Variants in LRRC4C observed in about 807,000 individuals in gnomAD.
LRRC4C encodes the protein leucine rich repeat containing 4C.
In LRRC4C, 5 loss-of-function variants were observed where a neutral mutation model predicts 33.6. The observed-to-expected ratio is 0.15, with a 90% CI of 0.08 to 0.31. The LOEUF is 0.31. Ranked by LOEUF, LRRC4C falls within the 10% of genes least tolerant of loss-of-function variation. The probability of loss-of-function intolerance (pLI) is 1.00; values close to 1 mark genes in which losing one functional copy is unlikely to be tolerated. For synonymous variants in LRRC4C, 329 were observed against 302.0 expected (o/e 1.09, Z -0.93); for missense variants, 560 against 796.7 (o/e 0.70, Z 3.58).
intron 3 of LRRC4C, among the ~76,000 whole-genome samples, chr11:40,566,086 G>GTTTTTTTTTTTTTTTTTTTTTTTAT (rs1957753771): frequency 3.2e-5 from 2 of 62,788 alleles, no homozygotes; most frequent in East Asian, 6.4e-4. Context: ...TTTTTACTAA[G>GTTTTTTTTTTTTTTTTTTTTTTTAT]TTTTTTTTTT....
intron 3 of LRRC4C, among the ~76,000 whole-genome samples, chr11:40,375,784 G>T (rs1357358552): frequency 6.6e-6 from 1 of 152,114 alleles, no homozygotes; most frequent in Non-Finnish European, 1.5e-5. Flanking sequence ...ACCAACGCTT[G>T]GGAGTAGACA....
intron 2 of LRRC4C, among the ~76,000 whole-genome samples, chr11:40,663,754 ATAC>A (rs1447117717): frequency 6.6e-6 from 1 of 152,216 alleles, no homozygotes; most frequent in Non-Finnish European, 1.5e-5. Context: ...CCTAATAACA[ATAC>A]TATGGTCTCA....
intron 1 of LRRC4C, among the ~76,000 whole-genome samples, chr11:41,003,692 A>G (rs1414317625): frequency 6.6e-6 from 1 of 151,834 alleles, no homozygotes; most frequent in East Asian, 1.9e-4. Flanking sequence ...GGGAGAGAAG[A>G]GACATCATGA....
rs114162654 is a variant in LRRC4C, at chr11:41,043,557, C to T, written c.-495-109834G>A. Among the ~76,000 whole-genome samples the T allele has an allele frequency of 4.0e-3, 603 of 152,062 alleles. 4 individuals are homozygous for T. The highest frequency in any genetic ancestry group is 0.014 in the African/African-American group (578 of 41,482). On this transcript the variant is annotated intron_variant, in intron 1 of 6. Coordinates refer to ENST00000528697, the MANE Select transcript of LRRC4C (RefSeq NM_001258419.2). The stretch of plus-strand genomic sequence containing the variant: ...ATTTCAGTCTTTACTTTGTGCCACA[C>T]TAAATAATATGAGTGCATTATCTCA...
intron 4 of LRRC4C, among the ~76,000 whole-genome samples, chr11:40,300,825 A>G (rs1005160078): frequency 7.2e-5 from 11 of 152,214 alleles, no homozygotes; most frequent in African/African-American, 2.4e-4. Context: ...CTTAAGAGGC[A>G]GAGTCTAGCT....
In LRRC4C at chr11:40,244,733, GT is replaced by G. The variant is rs932328078; in HGVS notation, c.-175-3136del. Among the ~76,000 whole-genome samples the G allele has an allele frequency of 5.6e-3, 838 of 148,368 alleles. 4 individuals are homozygous for G. The highest frequency in any genetic ancestry group is 0.019 in the African/African-American group (756 of 40,302). On this transcript the variant is annotated intron_variant, in intron 4 of 6. Coordinates refer to ENST00000528697, the MANE Select transcript of LRRC4C (RefSeq NM_001258419.2). ...TTTTCAGCAGTGGGCTAAGGGGAAG[GT>G]TTTTTTTTTGGCCCTGAAGTACACG...
chr11:40,796,724 G>A (rs2135230666), intron 2 of LRRC4C, among the ~76,000 whole-genome samples: 1 of 139,096 alleles, frequency 7.2e-6, no homozygotes, highest in East Asian at 2.2e-4. Flanking sequence ...TTGGCTCACT[G>A]TAACCTCTGC....
At chr11:41,176,188 TA>T (rs1195040902) in intron 1 of LRRC4C, among the ~76,000 whole-genome samples, 1 of 152,216 alleles carries the variant, frequency 6.6e-6, no homozygotes, top group Non-Finnish European at 1.5e-5. Flanking sequence ...ATTTATTGAA[TA>T]AATATATGAT....
intron 2 of LRRC4C, among the ~76,000 whole-genome samples, chr11:40,822,321 G>C (rs182332173): frequency 4.0e-5 from 6 of 150,512 alleles, no homozygotes; most frequent in Non-Finnish European, 5.9e-5. Flanking sequence ...TTCTATAAAT[G>C]ACAGAATTTG....
chr11:40,924,120 G>A (rs193079368), intron 2 of LRRC4C, among the ~76,000 whole-genome samples: 2 of 134,758 alleles, frequency 1.5e-5, no homozygotes, highest in Admixed American at 1.5e-4. Flanking sequence ...GTGTGTGTGT[G>A]TGTATATATA....
At chr11:41,217,529 T>G (rs1380277434) in intron 1 of LRRC4C, among the ~76,000 whole-genome samples, 2 of 152,210 alleles carry the variant, frequency 1.3e-5, no homozygotes, top group African/African-American at 4.8e-5. Flanking sequence ...TATTTAGGCT[T>G]TAAAAATGGT....
chr11:41,061,156 C>A (rs750702262), intron 1 of LRRC4C, among the ~76,000 whole-genome samples: 13 of 152,012 alleles, frequency 8.6e-5, no homozygotes, highest in Non-Finnish European at 1.3e-4. Context: ...TTGAATAATT[C>A]AGCATTTTAT....
intron 1 of LRRC4C, among the ~76,000 whole-genome samples, chr11:41,002,931 T>C (rs1042887347): frequency 1.3e-5 from 2 of 152,208 alleles, no homozygotes; most frequent in African/African-American, 2.4e-5. Context: ...ATTTGAAATG[T>C]TACATTGTAG....
intron 1 of LRRC4C, among the ~76,000 whole-genome samples, chr11:41,456,318 G>T (rs1334775159): frequency 2.0e-5 from 3 of 151,726 alleles, no homozygotes; most frequent in Non-Finnish European, 4.4e-5. Context: ...CACCTCCAGG[G>T]CCAGAGCTCC....
intron 2 of LRRC4C, among the ~76,000 whole-genome samples, chr11:40,651,815 T>C (rs1165165557): frequency 1.3e-5 from 2 of 152,238 alleles, no homozygotes; most frequent in Non-Finnish European, 2.9e-5. Context: ...TGGAAGAAGC[T>C]AGTTTTGCTT....
intron 1 of LRRC4C, among the ~76,000 whole-genome samples, chr11:41,094,205 C>T (rs1180474259): frequency 1.3e-5 from 2 of 151,982 alleles, no homozygotes; most frequent in African/African-American, 2.4e-5. Context: ...CTATATTCTC[C>T]TTAAAGCTAG....
intron 1 of LRRC4C, among the ~76,000 whole-genome samples, chr11:41,211,131 C>T (rs1275088556): frequency 6.6e-6 from 1 of 151,876 alleles, no homozygotes; most frequent in Admixed American, 6.6e-5. Context: ...AGTTGGGGCC[C>T]CCTGGTTTAA....
intron 6 of LRRC4C, among the ~76,000 whole-genome samples, chr11:40,134,737 C>T (rs1856857147): frequency 6.6e-6 from 1 of 152,134 alleles, no homozygotes; most frequent in Non-Finnish European, 1.5e-5. Flanking sequence ...ATGTGATACT[C>T]TTAATATATA....
chr11:40,848,116 T>A (rs1371419547), intron 2 of LRRC4C, among the ~76,000 whole-genome samples: 1 of 151,980 alleles, frequency 6.6e-6, no homozygotes, highest in African/African-American at 2.4e-5. Context: ...CTGGATTGAT[T>A]TTTTGATGGG....
Sources: gnomAD v4.1 joint callset for allele counts (sites outside exome capture counted in the v4.1 genomes callset) on GRCh38, gnomAD v4.1.1 for gene constraint, MANE v1.5 for transcripts, NCBI Gene and HGNC (gene_info 2026-07-23, HGNC 2026-07-21) for gene names.